The following TBCD variants were observed in gnomAD, a reference collection of about 807,000 sequenced individuals.
TBCD encodes tubulin folding cofactor D.
In TBCD, 105 loss-of-function variants were observed where a neutral mutation model predicts 169.3. The ratio of observed to expected loss-of-function variants is 0.62; its 90% CI spans 0.53 to 0.73. The LOEUF is 0.73. Ranked by LOEUF, TBCD falls within the 30% of genes least tolerant of loss-of-function variation. The pLI is 0.00. For synonymous variants in TBCD, 700 were observed against 643.9 expected (o/e 1.09, Z -1.32); for missense variants, 1,444 against 1,600.1 (o/e 0.90, Z 1.66).
intron 13 of TBCD, among the ~76,000 whole-genome samples, chr17:82,845,133 C>T (rs1480362735): frequency 3.9e-5 from 6 of 152,204 alleles, no homozygotes; most frequent in South Asian, 2.1e-4. Context: ...GTCAGGGCCT[C>T]TTTCCCTAGG....
In TBCD at chr17:82,800,962, C is replaced by T; in HGVS notation, c.916C>T (p.Leu306=). Residue 306 remains leucine, a synonymous_variant, in exon 9 of 39, where the codon CTG becomes TTG. Transcript: ENST00000355528. ...GGTGAAGCTTGTGCAGCGACTGGGG[C>T]TGACATTCCTGAAGCCGAAGGTGGC... ...LGVKLVQRLG[L]TFLKPKVAAW... 6.2e-7 allele frequency: 1 copy of T among 1,611,102 alleles called. No individual in the cohort carries two copies. Among genetic ancestry groups the T allele is most frequent in the Non-Finnish European group, 8.5e-7 (1 of 1,179,052 alleles).
At chr17:82,824,301 C>T (rs1360854561) in intron 13 of TBCD, among the ~76,000 whole-genome samples, 2 of 151,788 alleles carry the variant, frequency 1.3e-5, no homozygotes, top group South Asian at 2.1e-4. Context: ...CCTGCCTCAG[C>T]CTCCTGAGTA....
At chr17:82,797,644 G>T in intron 7 of TBCD, 113 bp from the exon 8 acceptor site, 1 of 758,940 alleles carries the variant, frequency 1.3e-6, no homozygotes, top group Non-Finnish European at 2.1e-6. Flanking sequence ...TAGGTGGTGA[G>T]TGTTTAGAAT....
intron 13 of TBCD, among the ~76,000 whole-genome samples, chr17:82,863,907 T>C (rs1390234542): frequency 6.6e-6 from 1 of 152,204 alleles, no homozygotes; most frequent in Non-Finnish European, 1.5e-5. Flanking sequence ...TTTATAGAGT[T>C]GTGCTTCTCA....
At chr17:82,882,335 G>A (rs1176197966) in intron 14 of TBCD, among the ~76,000 whole-genome samples, 5 of 152,196 alleles carry the variant, frequency 3.3e-5, no homozygotes, top group African/African-American at 4.8e-5. Context: ...AGCCCCTGAC[G>A]TTGGACATGC....
chr17:82,841,237 C>T (rs974554281), intron 13 of TBCD, among the ~76,000 whole-genome samples: 2 of 151,844 alleles, frequency 1.3e-5, no homozygotes, highest in African/African-American at 2.4e-5. Context: ...CCACTGCACC[C>T]GGTCTGTTTT....
At chr17:82,809,549 G>T (rs1254737867) in intron 11 of TBCD, among the ~76,000 whole-genome samples, 159 bp from the exon 12 acceptor site, 1 of 152,150 alleles carries the variant, frequency 6.6e-6, no homozygotes, top group East Asian at 1.9e-4. Context: ...GTGTTTTAGC[G>T]CGGGGGCTCC....
intron 27 of TBCD, 48 bp downstream of exon 27, chr17:82,925,105 G>A: frequency 7.0e-7 from 1 of 1,435,406 alleles, no homozygotes; most frequent in African/African-American, 1.4e-5. Context: ...GAGGGTGTGG[G>A]AGCCTCGTGT....
At chr17:82,799,130 C>A (rs1464483407) in intron 8 of TBCD, among the ~76,000 whole-genome samples, 1 of 152,162 alleles carries the variant, frequency 6.6e-6, no homozygotes, top group Non-Finnish European at 1.5e-5. Context: ...AGAGAAACTT[C>A]TTAGAGCCTT....
At chr17:82,840,849 G>C (rs973773646) in intron 13 of TBCD, among the ~76,000 whole-genome samples, 5 of 151,896 alleles carry the variant, frequency 3.3e-5, no homozygotes, top group Non-Finnish European at 7.4e-5. Flanking sequence ...GACTGGGAAA[G>C]GAGGTGGGAT....
chr17:82,766,192 TGAAAG>T (rs1000479347), intron 3 of TBCD, 70 bp from the exon 4 acceptor site: 11 of 1,225,904 alleles, frequency 9.0e-6, no homozygotes, highest in Non-Finnish European at 1.3e-5. Context: ...TGATTTTTGA[TGAAAG>T]GGTAGAAAGG....
Position 82,903,280 on chromosome 17 carries a change from A to C in TBCD, c.1731-125A>C. The C allele has an allele frequency of 1.2e-6, 1 of 820,174 alleles. No individual in the cohort carries two copies. The highest frequency in any genetic ancestry group is 2.0e-6 in the Non-Finnish European group (1 of 498,244). 50.8% of individuals were successfully genotyped at this position (820,174 alleles called of 1,614,324 possible). A position where few individuals can be genotyped will look rare whatever the true frequency, so the allele number is the denominator to read the frequency against. On this transcript the variant is annotated intron_variant, in intron 18 of 38. Transcript: ENST00000355528. This position sits in a 1 kb window ranked among gnomAD's most constrained non-coding sequence, Gnocchi z 4.8. ...TTGTACTGGTTCGTGTGAGTGAGTG[A>C]GTGAGCCTCTGCTAAGTGGCCGGTT...
At chr17:82,921,658 T>C in intron 25 of TBCD, 81 bp downstream of exon 25, 1 of 1,330,418 alleles carries the variant, frequency 7.5e-7, no homozygotes, top group Non-Finnish European at 1.1e-6. Context: ...TGTTGGCGAC[T>C]GTGCATCATG....
chr17:82,923,610 G>T lies in TBCD; in HGVS notation c.2179-42G>T, dbSNP rs374105387. On this transcript the variant is annotated intron_variant, in intron 25 of 38. Transcript: ENST00000355528. This position sits in a 1 kb window ranked among gnomAD's most constrained non-coding sequence, Gnocchi z 4.6. The stretch of plus-strand genomic sequence containing the variant: ...TCTGTCCCTGGCCGGGGGCTTCTCC[G>T]AGCAGAGCTGCTGTGCGCTCACCGT... 3 of 1,516,162 alleles carry T rather than the reference G, an allele frequency of 2.0e-6. No individual in the cohort carries two copies. Among genetic ancestry groups the T allele is most frequent in the Non-Finnish European group, 1.8e-6 (2 of 1,117,050 alleles). The allele number at this position is 1,516,162 out of a possible 1,614,324, so 93.9% of individuals were successfully genotyped here.
chr17:82,887,769 T>G (rs1352394619), intron 15 of TBCD, among the ~76,000 whole-genome samples: 1 of 152,182 alleles, frequency 6.6e-6, no homozygotes, highest in East Asian at 1.9e-4. Flanking sequence ...GGCCACTGTT[T>G]TCTGTGTCGG....
chr17:82,922,318 G>A lies in TBCD; in HGVS notation c.2178+741G>A, dbSNP rs2061468454. Among the ~76,000 whole-genome samples, 1 of 152,030 alleles carries A rather than the reference G, an allele frequency of 6.6e-6. No homozygotes were observed. ...GAAGGTTGCAGTGAACCGAGATCAC[G>A]CCATTGCACTCCAGCCTGGGTGACA... On this transcript the variant is annotated intron_variant, in intron 25 of 38. Transcript: ENST00000355528. This position sits in a 1 kb window ranked among gnomAD's most constrained non-coding sequence, Gnocchi z 4.1.
intron 13 of TBCD, among the ~76,000 whole-genome samples, chr17:82,825,457 C>T (rs1242514772): frequency 6.6e-6 from 1 of 152,126 alleles, no homozygotes; most frequent in African/African-American, 2.4e-5. Context: ...TGTATATAAA[C>T]AGAAGTGCCC....
intron 12 of TBCD, among the ~76,000 whole-genome samples, chr17:82,811,741 G>A (rs954900362): frequency 3.9e-5 from 6 of 152,228 alleles, no homozygotes; most frequent in African/African-American, 1.4e-4. Context: ...AGAGCAGGAT[G>A]TCTGAAGACA....
chr17:82,882,439 C>T (rs2058421476), intron 14 of TBCD, among the ~76,000 whole-genome samples: 1 of 152,192 alleles, frequency 6.6e-6, no homozygotes, highest in Admixed American at 6.5e-5. Flanking sequence ...GGGACAAGTG[C>T]TCTCTCTGAT....
Sources: gnomAD v4.1 joint callset for allele counts (sites outside exome capture counted in the v4.1 genomes callset) on GRCh38, gnomAD v4.1.1 for gene constraint, Gnocchi (gnomAD v3.1) non-coding constraint, MANE v1.5 for transcripts, NCBI Gene and HGNC (gene_info 2026-07-23, HGNC 2026-07-21) for gene names.